The following AGAP1 variants were observed in gnomAD, a reference collection of about 807,000 sequenced individuals.
AGAP1 encodes arf-GAP with GTPase, ANK repeat and PH domain-containing protein 1.
AGAP1 carries 29 observed loss-of-function variants against 105.3 expected under a neutral mutation model. That is an observed-to-expected ratio of 0.28 (90% CI 0.21 to 0.38). AGAP1 has a LOEUF of 0.38. Ranked by LOEUF, AGAP1 falls within the 10% of genes least tolerant of loss-of-function variation. The probability of loss-of-function intolerance (pLI) is 1.00; values close to 1 mark genes in which losing one functional copy is unlikely to be tolerated. For synonymous variants in AGAP1, 509 were observed against 485.9 expected (o/e 1.05, Z -0.63); for missense variants, 998 against 1,165.1 (o/e 0.86, Z 2.09).
intron 16 of AGAP1, among the ~76,000 whole-genome samples, chr2:236,057,556 C>A (rs180723603): frequency 0.012 from 1,866 of 152,236 alleles, 43 homozygotes; most frequent in African/African-American, 0.042. Flanking sequence ...TTAGAGCCCC[C>A]CCCTCAACCC....
chr2:235,929,593 G>C (rs188891190), intron 11 of AGAP1, among the ~76,000 whole-genome samples: 2 of 151,120 alleles, frequency 1.3e-5, no homozygotes, highest in Non-Finnish European at 3.0e-5. Context: ...CGTACACTAC[G>C]CTTCAGCTCG....
At chr2:235,755,845 T>C (rs1953881815) in intron 6 of AGAP1, among the ~76,000 whole-genome samples, 1 of 152,220 alleles carries the variant, frequency 6.6e-6, no homozygotes, top group African/African-American at 2.4e-5. Context: ...GTGTCTGACA[T>C]GGGACTGTAG....
chr2:235,519,895 G>T (rs966275361), intron 1 of AGAP1, among the ~76,000 whole-genome samples: 3 of 152,190 alleles, frequency 2.0e-5, no homozygotes, highest in East Asian at 3.9e-4. Flanking sequence ...CGATTCTCCT[G>T]CCTCAGCCTC....
rs1008907903 is a variant in AGAP1 at position 236,046,376 on chromosome 2, A to G, written c.1892-2683A>G. ...GGAAGTGACGGGCAAGGCCGCAGAC[A>G]GGAGCCCCTTGCACCCCAGTTGCGA... On this transcript the variant is annotated intron_variant, in intron 15 of 17. Coordinates refer to ENST00000304032, the MANE Select transcript of AGAP1 (RefSeq NM_001037131.3). This position sits in a 1 kb window ranked among gnomAD's most constrained non-coding sequence, Gnocchi z 5.2. Among the ~76,000 whole-genome samples, 3 of 152,226 alleles carry G rather than the reference A, an allele frequency of 2.0e-5. No homozygotes were observed. Among genetic ancestry groups the G allele is most frequent in the African/African-American group, 7.2e-5 (3 of 41,462 alleles).
intron 1 of AGAP1, among the ~76,000 whole-genome samples, chr2:235,632,871 G>A (rs1467689218): frequency 1.3e-5 from 2 of 152,192 alleles, no homozygotes; most frequent in African/African-American, 2.4e-5. Flanking sequence ...TGATTTCCCT[G>A]CTTAGATTTA....
chr2:236,018,195 G>C (rs1301049662), intron 13 of AGAP1, among the ~76,000 whole-genome samples: 2 of 152,190 alleles, frequency 1.3e-5, no homozygotes, highest in Non-Finnish European at 2.9e-5. Context: ...CCAGAATGCA[G>C]CTGTAACTTT....
rs1184133647 is a variant in AGAP1 at position 235,555,422 on chromosome 2, G to A, written c.163+60573G>A. Among the ~76,000 whole-genome samples the A allele has an allele frequency of 2.0e-5, 3 of 152,164 alleles. No homozygotes were observed. Among genetic ancestry groups the A allele is most frequent in the Non-Finnish European group, 4.4e-5 (3 of 68,044 alleles). On this transcript the variant is annotated intron_variant, in intron 1 of 17. Coordinates refer to ENST00000304032, the MANE Select transcript of AGAP1 (RefSeq NM_001037131.3). The surrounding 1 kb of genome is among the most constrained non-coding windows in gnomAD (Gnocchi z 5.1). Reference sequence around the variant, plus strand: ...TGACACACGTGGACCTCAAGCAGGTGGATGGGTGGAGCTCAGGGAATAGGC... The same window carrying A: ...TGACACACGTGGACCTCAAGCAGGTAGATGGGTGGAGCTCAGGGAATAGGC...
intron 1 of AGAP1, among the ~76,000 whole-genome samples, chr2:235,547,316 C>T (rs1041831003): frequency 6.6e-6 from 1 of 151,400 alleles, no homozygotes; most frequent in African/African-American, 2.4e-5. Flanking sequence ...CTCCTATCAC[C>T]TGAATAAAAC....
At chr2:235,694,909 G>A (rs535579392) in intron 1 of AGAP1, among the ~76,000 whole-genome samples, 1 of 152,060 alleles carries the variant, frequency 6.6e-6, no homozygotes, top group South Asian at 2.1e-4. Flanking sequence ...CGGCTTCTTC[G>A]CAGTTTCACC....
Position 235,826,973 on chromosome 2 carries a change from G to A in AGAP1, c.1050+19642G>A, listed in dbSNP as rs748907465. On this transcript the variant is annotated intron_variant, in intron 9 of 17. Coordinates refer to ENST00000304032, the MANE Select transcript of AGAP1 (RefSeq NM_001037131.3). ...AAAAGTACCTGCACTTTTCAGATACGGTGGCTCCGCGTGTTGGAGAATTCA... is the reference window on the plus strand; with the variant it reads ...AAAAGTACCTGCACTTTTCAGATACAGTGGCTCCGCGTGTTGGAGAATTCA... Among the ~76,000 whole-genome samples, 73 of 152,174 alleles carry A rather than the reference G, an allele frequency of 4.8e-4. 3 individuals are homozygous for A. Among genetic ancestry groups the A allele is most frequent in the Admixed American group, 1.1e-3 (17 of 15,282 alleles).
chr2:235,787,186 G>A lies in AGAP1; in HGVS notation c.674-10573G>A, dbSNP rs1051372093. Reference sequence around the variant, plus strand: ...CTCTCCTGTTGTAAGAGTTGAGCTAGCAGGGGCCGCCTCTACCCTTGGCTG... The same window carrying A: ...CTCTCCTGTTGTAAGAGTTGAGCTAACAGGGGCCGCCTCTACCCTTGGCTG... On this transcript the variant is annotated intron_variant, in intron 6 of 17. Coordinates refer to ENST00000304032, the MANE Select transcript of AGAP1 (RefSeq NM_001037131.3). This position sits in a 1 kb window ranked among gnomAD's most constrained non-coding sequence, Gnocchi z 4.4. 6.6e-6 allele frequency among the ~76,000 whole-genome samples: 1 copy of A among 152,212 alleles called. No individual in the cohort carries two copies. The highest frequency in any genetic ancestry group is 2.4e-5 in the African/African-American group (1 of 41,464).
intron 1 of AGAP1, among the ~76,000 whole-genome samples, chr2:235,516,043 C>T (rs575099647): frequency 5.0e-5 from 6 of 121,018 alleles, no homozygotes; most frequent in South Asian, 3.0e-4. Flanking sequence ...CTGTTCCTGC[C>T]GCATGGGCTC....
intron 13 of AGAP1, among the ~76,000 whole-genome samples, chr2:235,975,721 A>T (rs766885062): frequency 6.6e-6 from 1 of 152,194 alleles, no homozygotes; most frequent in South Asian, 2.1e-4. Flanking sequence ...ATCCAGTTGC[A>T]CAAGTGTTAC....
chr2:235,605,413 G>A (rs996473859), intron 1 of AGAP1, among the ~76,000 whole-genome samples: 4 of 152,230 alleles, frequency 2.6e-5, no homozygotes, highest in South Asian at 2.1e-4. Flanking sequence ...CGCCACATGC[G>A]AAGATTCTAG....
At position 235,975,904 on chromosome 2, in the gene AGAP1, AC is replaced by A. The variant is rs146061306; in HGVS notation, c.1645+7282del. On this transcript the variant is annotated intron_variant, in intron 13 of 17. Coordinates refer to ENST00000304032, the MANE Select transcript of AGAP1 (RefSeq NM_001037131.3). The stretch of plus-strand genomic sequence containing the variant: ...AACAGTAATTTTTGATACAATAAGG[AC>A]TTATTAATTAAACTTCCTTATTAGC... Among the ~76,000 whole-genome samples, 4 of 152,304 alleles carry A rather than the reference AC, an allele frequency of 2.6e-5. No homozygotes were observed. In the East Asian group the frequency reaches 7.7e-4, roughly 29 times the overall value.
At position 235,596,884 on chromosome 2, in the gene AGAP1, G is replaced by GC. The variant is rs758786184; in HGVS notation, c.163+102039dup. On this transcript the variant is annotated intron_variant, in intron 1 of 17. Transcript: ENST00000304032. The surrounding 1 kb of genome is among the most constrained non-coding windows in gnomAD (Gnocchi z 5.9). The stretch of plus-strand genomic sequence containing the variant: ...GTGGACCCCTTGTGGTGGCACGAAT[G>GC]CCCCTCAGGAGCGCTTGCTCTGTAC... 6.6e-6 allele frequency among the ~76,000 whole-genome samples: 1 copy of GC among 152,118 alleles called. No individual in the cohort carries two copies. The highest frequency in any genetic ancestry group is 1.5e-5 in the Non-Finnish European group (1 of 68,010).
intron 13 of AGAP1, among the ~76,000 whole-genome samples, chr2:235,986,022 T>A (rs1307535209): frequency 1.3e-5 from 2 of 152,216 alleles, no homozygotes; most frequent in Non-Finnish European, 2.9e-5. Context: ...AATGGTAGTT[T>A]CATAGGAATA....
Position 236,127,815 on chromosome 2 carries a change from C to T in AGAP1, c.*3693C>T, listed in dbSNP as rs552094804. On this transcript the variant is annotated 3_prime_UTR_variant, in exon 18 of 18. Transcript: ENST00000304032. The surrounding 1 kb of genome is among the most constrained non-coding windows in gnomAD (Gnocchi z 6.6). ...CCTGCCATCCTTCCAGAGGATTCCT[C>T]TGCAACTCTAGGCAAGCACCCAGCT... 12 of 152,388 alleles carry T rather than the reference C, an allele frequency of 7.9e-5. No individual in the cohort carries two copies. In the East Asian group the frequency reaches 2.3e-3, roughly 29 times the overall value. 9.4% of individuals were successfully genotyped at this position (152,388 alleles called of 1,614,324 possible).
At chr2:235,790,395 T>C (rs913152671) in intron 6 of AGAP1, among the ~76,000 whole-genome samples, 3 of 152,130 alleles carry the variant, frequency 2.0e-5, no homozygotes, top group East Asian at 3.9e-4. Flanking sequence ...ATATGTGTGC[T>C]TCTCGGGAAA....
Sources: allele counts gnomAD v4.1 joint callset (sites outside exome capture counted in the v4.1 genomes callset), GRCh38; gene constraint gnomAD v4.1.1; non-coding constraint Gnocchi (gnomAD v3.1); transcripts MANE v1.5; gene names NCBI Gene and HGNC (gene_info 2026-07-23, HGNC 2026-07-21).